The following ARL1 variants were observed in gnomAD, a reference collection of about 807,000 sequenced individuals.
ARL1 encodes ARF like GTPase 1, also known as ADP-ribosylation factor-like protein 1.
In ARL1, 17 loss-of-function variants were observed where a neutral mutation model predicts 30.1. That is an observed-to-expected ratio of 0.56 (90% confidence interval 0.39 to 0.85). The LOEUF (loss-of-function observed/expected upper bound fraction) is 0.85, where lower values mean the gene tolerates loss of function less well. ARL1 is among the 40% of genes least tolerant of loss of function. The pLI is 0.00. For missense variants in ARL1, 102 were observed against 212.6 expected (o/e 0.48, Z 3.24); for synonymous variants, 58 against 71.7 (o/e 0.81, Z 0.97).
At chr12:101,407,006 G>GT (rs1871462604) in intron 1 of ARL1, 1 of 152,310 alleles carries the variant, frequency 6.6e-6, no homozygotes, top group African/African-American at 2.4e-5. Context: ...GGGCGAGGGT[G>GT]TTACCTGATG....
intron 4 of ARL1, among the ~76,000 whole-genome samples, chr12:101,399,465 T>A (rs147930967): frequency 1.5e-5 from 2 of 133,690 alleles, no homozygotes; most frequent in East Asian, 4.5e-4. Flanking sequence ...TGAGTGGAGA[T>A]CACGCCACTC....
chr12:101,397,656 C>A (rs575786273), intron 4 of ARL1, among the ~76,000 whole-genome samples: 1 of 151,982 alleles, frequency 6.6e-6, no homozygotes, highest in African/African-American at 2.4e-5. Context: ...CCCGCTGCCA[C>A]GCCCAGCTAA....
intron 1 of ARL1, 178 bp downstream of exon 1, chr12:101,407,464 G>T: frequency 2.6e-6 from 2 of 768,258 alleles, no homozygotes; most frequent in Non-Finnish European, 4.1e-6. Flanking sequence ...AGGAGAACGC[G>T]AGAGGCCGGA....
intron 4 of ARL1, among the ~76,000 whole-genome samples, chr12:101,397,068 AC>A (rs1342946082): frequency 6.6e-6 from 1 of 152,202 alleles, no homozygotes; most frequent in Non-Finnish European, 1.5e-5. Context: ...GGGTCTTTAT[AC>A]AAAAATTTCT....
At chr12:101,406,081 A>G in intron 1 of ARL1, 100 bp from the exon 2 acceptor site, 1 of 968,768 alleles carries the variant, frequency 1.0e-6, no homozygotes, top group Non-Finnish European at 1.5e-6. Flanking sequence ...ACCAAATTAA[A>G]TATTATAATT....
chr12:101,407,669 C>T lies in ARL1; in HGVS notation c.-24G>A. The T allele has an allele frequency of 6.2e-7, 1 of 1,612,454 alleles. No homozygotes were observed. Among genetic ancestry groups the T allele is most frequent in the Non-Finnish European group, 8.5e-7 (1 of 1,179,790 alleles). ...ATGATGAACCCCCTGTCCTCCCTCG[C>T]CGATCTTCAGTGATTCCTTGGCCTT... On this transcript the variant is annotated 5_prime_UTR_variant, in exon 1 of 6. Transcript: ENST00000261636.
chr12:101,402,473 T>C (rs1871332061), intron 3 of ARL1, among the ~76,000 whole-genome samples: 1 of 152,108 alleles, frequency 6.6e-6, no homozygotes, highest in Non-Finnish European at 1.5e-5. Flanking sequence ...AGGCGTGAGC[T>C]ACCATGCCCG....
intron 5 of ARL1, chr12:101,396,139 T>A (rs990186808): frequency 3.3e-6 from 2 of 603,942 alleles, no homozygotes; most frequent in South Asian, 2.0e-5. Context: ...GGATAAGGAA[T>A]TGGAGGGTGA....
At chr12:101,402,162 A>C (rs540285212) in intron 3 of ARL1, among the ~76,000 whole-genome samples, 1 of 152,184 alleles carries the variant, frequency 6.6e-6, no homozygotes, top group Non-Finnish European at 1.5e-5. Flanking sequence ...CCTGAACTTC[A>C]GAAGGCATTT....
intron 4 of ARL1, 35 bp from the exon 5 acceptor site, chr12:101,396,612 C>T (rs369693988): frequency 2.0e-5 from 32 of 1,561,986 alleles, no homozygotes; most frequent in Non-Finnish European, 2.4e-5. Flanking sequence ...TTTCTTTTAA[C>T]TAATGTGCTC....
chr12:101,398,213 T>C (rs1871203001), intron 4 of ARL1, among the ~76,000 whole-genome samples: 2 of 151,664 alleles, frequency 1.3e-5, no homozygotes, highest in Admixed American at 6.6e-5. Flanking sequence ...CTGACCAACA[T>C]GGTGAAACCC....
intron 5 of ARL1, 169 bp downstream of exon 5, chr12:101,396,230 G>T: frequency 1.2e-6 from 1 of 825,094 alleles, no homozygotes; most frequent in Non-Finnish European, 2.0e-6. Flanking sequence ...TGGTTGAGAA[G>T]ACAGATGCAC....
Position 101,394,564 on chromosome 12 carries a change from A to C in ARL1, c.*1076T>G, listed in dbSNP as rs1386367816. On this transcript the variant is annotated 3_prime_UTR_variant, in exon 6 of 6. Coordinates refer to ENST00000261636, the MANE Select transcript of ARL1 (RefSeq NM_001177.6). Reference sequence around the variant, plus strand: ...GATTTTTAACAAGTTTACATGTCCAATTACATGTAGATAAAAGGAATGAAA... The same window carrying C: ...GATTTTTAACAAGTTTACATGTCCACTTACATGTAGATAAAAGGAATGAAA... 6.6e-6 allele frequency: 1 copy of C among 152,206 alleles called. No homozygotes were observed. The highest frequency in any genetic ancestry group is 1.5e-5 in the Non-Finnish European group (1 of 68,026). The allele number at this position is 152,206 out of a possible 1,614,324, so 9.4% of individuals were successfully genotyped here.
Position 101,394,019 on chromosome 12 carries a change from C to T in ARL1, c.*1621G>A, listed in dbSNP as rs1206453197. On this transcript the variant is annotated 3_prime_UTR_variant, in exon 6 of 6. Coordinates refer to ENST00000261636, the MANE Select transcript of ARL1 (RefSeq NM_001177.6). The stretch of plus-strand genomic sequence containing the variant: ...TAAATATGAAAAAGTCTTTGCCCCT[C>T]AGGAGTAATATTGGTTGTACTGGAA... 2.6e-5 allele frequency: 4 copies of T among 151,234 alleles called. No homozygotes were observed. Among genetic ancestry groups the T allele is most frequent in the Non-Finnish European group, 5.9e-5 (4 of 67,966 alleles). The allele number at this position is 151,234 out of a possible 1,614,324, so 9.4% of individuals were successfully genotyped here. A position where few individuals can be genotyped will look rare whatever the true frequency, so the allele number is the denominator to read the frequency against.
Position 101,397,430 on chromosome 12 carries a change from A to C in ARL1, c.337-853T>G, listed in dbSNP as rs2098311376. On this transcript the variant is annotated intron_variant, in intron 4 of 5. Coordinates refer to ENST00000261636, the MANE Select transcript of ARL1 (RefSeq NM_001177.6). ...AAAAAGGAAGCAGAGAGAGGAGCTC[A>C]AGGTTATAACAAGCTTTGGTTGTGC... Among the ~76,000 whole-genome samples the C allele has an allele frequency of 2.0e-5, 3 of 152,150 alleles. No homozygotes were observed. The South Asian group carries it at 6.2e-4, about 32-fold the overall frequency.
intron 1 of ARL1, 150 bp from the exon 2 acceptor site, chr12:101,406,131 T>C: frequency 1.6e-6 from 1 of 632,092 alleles, no homozygotes; most frequent in East Asian, 2.8e-5. Flanking sequence ...CCCAATGAAA[T>C]ATATTATTCA....
At position 101,396,584 on chromosome 12, in the gene ARL1, G is replaced by T; in HGVS notation, c.337-7C>A. 3 of 1,603,126 alleles carry T rather than the reference G, an allele frequency of 1.9e-6. No individual in the cohort carries two copies. Among genetic ancestry groups the T allele is most frequent in the South Asian group, 1.1e-5 (1 of 89,436 alleles). On this transcript the variant is annotated splice_region_variant and splice_polypyrimidine_tract_variant and intron_variant, in intron 4 of 5. Coordinates refer to ENST00000261636, the MANE Select transcript of ARL1 (RefSeq NM_001177.6). The stretch of plus-strand genomic sequence containing the variant: ...CTTTTCTCAGCTCTTCTTCCTAAAT[G>T]AAATTGAAAATATTTAATTTCTTTT...
intron 2 of ARL1, among the ~76,000 whole-genome samples, chr12:101,404,578 TTA>T (rs1259418753): frequency 1.3e-5 from 2 of 152,216 alleles, no homozygotes; most frequent in African/African-American, 4.8e-5. Flanking sequence ...CTCTTCTTTC[TTA>T]GAGGCTAGCC....
rs1053662245 is a variant in ARL1 at position 101,393,466 on chromosome 12, G to C, written c.*2174C>G. On this transcript the variant is annotated 3_prime_UTR_variant, in exon 6 of 6. Transcript: ENST00000261636. ...ATTTGCACCTATGTTCTGATTTCAA[G>C]TTTGGTGTTTTACCCATTGCCAGGC... is the stretch of plus-strand genomic sequence containing the variant. 1.3e-5 allele frequency: 2 copies of C among 152,164 alleles called. No individual in the cohort carries two copies. Among genetic ancestry groups the C allele is most frequent in the African/African-American group, 4.8e-5 (2 of 41,436 alleles). The allele number at this position is 152,164 out of a possible 1,614,324, so 9.4% of individuals were successfully genotyped here. A position where few individuals can be genotyped will look rare whatever the true frequency, so the allele number is the denominator to read the frequency against.
Sources: gnomAD v4.1 joint callset for allele counts (sites outside exome capture counted in the v4.1 genomes callset) on GRCh38, gnomAD v4.1.1 for gene constraint, MANE v1.5 for transcripts, NCBI Gene and HGNC (gene_info 2026-07-23, HGNC 2026-07-21) for gene names.